CADPS2: variants seen among roughly 807,000 people sequenced by gnomAD.
The protein encoded by CADPS2 is calcium-dependent secretion activator 2.
CADPS2 carries 93 observed loss-of-function variants against 172.5 expected under a neutral mutation model. The ratio of observed to expected loss-of-function variants is 0.54; its 90% confidence interval spans 0.46 to 0.64. The LOEUF (loss-of-function observed/expected upper bound fraction) is 0.64, where lower values mean the gene tolerates loss of function less well. Ranked by LOEUF, CADPS2 falls within the 30% of genes least tolerant of loss-of-function variation. The probability of loss-of-function intolerance (pLI) is 0.00; values close to 1 mark genes in which losing one functional copy is unlikely to be tolerated. For missense variants in CADPS2, 1,420 were observed against 1,565.9 expected (o/e 0.91, Z 1.57); for synonymous variants, 546 against 555.2 (o/e 0.98, Z 0.23).
chr7:122,493,460 T>C (rs2058472799), intron 9 of CADPS2, among the ~76,000 whole-genome samples: 1 of 152,176 alleles, frequency 6.6e-6, no homozygotes, highest in African/African-American at 2.4e-5. Flanking sequence ...TGTTAGAGAC[T>C]GCTAAGTTGC....
chr7:122,833,340 G>C (rs1407412674), intron 1 of CADPS2, among the ~76,000 whole-genome samples: 1 of 152,040 alleles, frequency 6.6e-6, no homozygotes, highest in African/African-American at 2.4e-5. Context: ...TATGTACCAT[G>C]CTTTATTTAT....
intron 3 of CADPS2, 110 bp downstream of exon 3, chr7:122,663,127 T>A (rs2080791930): frequency 2.4e-6 from 2 of 838,988 alleles, no homozygotes; most frequent in Non-Finnish European, 3.7e-6. Flanking sequence ...TGCTCAACTT[T>A]CCAAGTAAAG....
chr7:122,450,575 G>A (rs1416377770), intron 15 of CADPS2, among the ~76,000 whole-genome samples: 2 of 139,700 alleles, frequency 1.4e-5, no homozygotes, highest in African/African-American at 5.5e-5. Flanking sequence ...TGTCGTCCAG[G>A]CTGGAGTGCA....
chr7:122,345,074 C>CA (rs2037364386), intron 28 of CADPS2, among the ~76,000 whole-genome samples: 1 of 152,012 alleles, frequency 6.6e-6, no homozygotes, highest in South Asian at 2.1e-4. Context: ...CACACACCAA[C>CA]AAATATACCT....
At chr7:122,414,584 T>C (rs903182378) in intron 18 of CADPS2, among the ~76,000 whole-genome samples, 4 of 152,206 alleles carry the variant, frequency 2.6e-5, no homozygotes, top group Non-Finnish European at 5.9e-5. Context: ...TTTCAAATTA[T>C]TGAAGCAGCT....
At chr7:122,736,656 A>C (rs956835081) in intron 2 of CADPS2, among the ~76,000 whole-genome samples, 2 of 152,234 alleles carry the variant, frequency 1.3e-5, no homozygotes, top group Admixed American at 6.5e-5. Flanking sequence ...TAATTTAGAC[A>C]TGTGGACCTA....
chr7:122,770,240 C>T (rs914334772), intron 1 of CADPS2, among the ~76,000 whole-genome samples: 4 of 152,052 alleles, frequency 2.6e-5, no homozygotes, highest in Non-Finnish European at 5.9e-5. Context: ...TCTTTCCTAC[C>T]CCCATTCTCT....
At chr7:122,625,098 T>A (rs1193986347) in intron 4 of CADPS2, among the ~76,000 whole-genome samples, 1 of 151,938 alleles carries the variant, frequency 6.6e-6, no homozygotes, top group Non-Finnish European at 1.5e-5. Context: ...TTGCCCAAGC[T>A]GGAGTGCAAT....
chr7:122,554,115 T>TTAAAATGTATA (rs2064695993), intron 8 of CADPS2, among the ~76,000 whole-genome samples: 1 of 152,188 alleles, frequency 6.6e-6, no homozygotes, highest in Non-Finnish European at 1.5e-5. Flanking sequence ...ATCCCTCTTG[T>TTAAAATGTATA]TAAAATGTAT....
chr7:122,519,863 A>AT (rs112530002), intron 8 of CADPS2, among the ~76,000 whole-genome samples: 30,883 of 151,296 alleles, frequency 0.2, 3,530 homozygotes, highest in East Asian at 0.4. Context: ...TGCCTAATTG[A>AT]TTTTTTTTTA....
chr7:122,482,976 C>CT (rs1283069338), intron 11 of CADPS2, among the ~76,000 whole-genome samples: 1 of 152,158 alleles, frequency 6.6e-6, no homozygotes, highest in Non-Finnish European at 1.5e-5. Context: ...AATAGCACTG[C>CT]TTTTCAGCAG....
At chr7:122,742,564 A>T (rs1046036337) in intron 1 of CADPS2, among the ~76,000 whole-genome samples, 3 of 152,152 alleles carry the variant, frequency 2.0e-5, no homozygotes, top group Admixed American at 1.3e-4. Flanking sequence ...GCCAACAGAG[A>T]GATAAGTGAG....
intron 24 of CADPS2, among the ~76,000 whole-genome samples, chr7:122,386,617 A>T (rs1000395104): frequency 8.5e-5 from 13 of 152,196 alleles, no homozygotes; most frequent in African/African-American, 3.1e-4. Flanking sequence ...ATTTTTAAAA[A>T]TGGAAGCTAC....
intron 1 of CADPS2, among the ~76,000 whole-genome samples, chr7:122,788,558 C>CA (rs1794578423): frequency 6.6e-6 from 1 of 152,144 alleles, no homozygotes; most frequent in Admixed American, 6.5e-5. Context: ...CCGCCCTTCT[C>CA]AAAAAATCCT....
chr7:122,474,111 T>A (rs1469585294), intron 13 of CADPS2, among the ~76,000 whole-genome samples: 2 of 152,150 alleles, frequency 1.3e-5, no homozygotes, highest in African/African-American at 4.8e-5. Flanking sequence ...TTAAAGTGAC[T>A]GATACACCAC....
intron 1 of CADPS2, among the ~76,000 whole-genome samples, chr7:122,803,670 T>G (rs890189821): frequency 2.0e-5 from 3 of 152,280 alleles, no homozygotes; most frequent in Admixed American, 6.5e-5. Context: ...TTTTAAAAAT[T>G]TATAGTATTC....
chr7:122,793,382 T>G (rs1432653584), intron 1 of CADPS2, among the ~76,000 whole-genome samples: 1 of 152,212 alleles, frequency 6.6e-6, no homozygotes, highest in Non-Finnish European at 1.5e-5. Flanking sequence ...AATTATGTAA[T>G]GCCCTTCTTT....
chr7:122,471,273 C>A, intron 14 of CADPS2, 102 bp downstream of exon 14: 1 of 417,832 alleles, frequency 2.4e-6, no homozygotes, highest in Non-Finnish European at 3.8e-6. Flanking sequence ...GAAGTGTTTG[C>A]TATTTACAAT....
At chr7:122,326,366 T>C (rs1450921915) in intron 28 of CADPS2, among the ~76,000 whole-genome samples, 1 of 152,144 alleles carries the variant, frequency 6.6e-6, no homozygotes, top group East Asian at 1.9e-4. Flanking sequence ...TGCAATTTTC[T>C]GCTCCTATAT....
Sources: allele counts gnomAD v4.1 joint callset (sites outside exome capture counted in the v4.1 genomes callset), GRCh38; gene constraint gnomAD v4.1.1; transcripts MANE v1.5; gene names NCBI Gene and HGNC (gene_info 2026-07-23, HGNC 2026-07-21).